Variants in MGAT4D observed in about 807,000 individuals in gnomAD.
MGAT4D encodes the protein MGAT4 family member D.
MGAT4D carries 34 observed loss-of-function variants against 15.9 expected under a neutral mutation model. The observed-to-expected ratio is 2.14, with a 90% CI of 1.62 to 2.84. MGAT4D has a LOEUF of 2.84. MGAT4D is among the 30% of genes most tolerant of loss of function. The pLI, the probability that MGAT4D is intolerant of heterozygous loss-of-function variation, is 0.00. For missense variants in MGAT4D, 327 were observed against 140.2 expected, an observed-to-expected ratio of 2.33 and a Z score of -6.73; for synonymous variants, 112 against 48.2, an observed-to-expected ratio of 2.33 and a Z score of -5.49.
intron 10 of MGAT4D, among the ~76,000 whole-genome samples, chr4:140,443,968 T>C (rs1284267444): frequency 6.6e-6 from 1 of 152,146 alleles, no homozygotes; most frequent in Non-Finnish European, 1.5e-5. Flanking sequence ...TTTGAATTTC[T>C]TGTTAGTCAA....
intron 1 of MGAT4D, among the ~76,000 whole-genome samples, chr4:140,493,287 CTTTTTTTTTT>C (rs551838799): frequency 6.0e-4 from 68 of 112,478 alleles, no homozygotes; most frequent in African/African-American, 2.0e-3. Flanking sequence ...TGTTCCTTTA[CTTTTTTTTTT>C]TTTTTTTTTT....
intron 10 of MGAT4D, among the ~76,000 whole-genome samples, chr4:140,446,291 C>T (rs1005282431): frequency 6.6e-6 from 1 of 152,128 alleles, no homozygotes; most frequent in Non-Finnish European, 1.5e-5. Context: ...GTGAATCTGT[C>T]TGGTCCTGGG....
In MGAT4D at chr4:140,482,440, T is replaced by C. The variant is rs1022877553; in HGVS notation, c.140A>G (p.Glu47Gly). 1.6e-6 allele frequency: 1 copy of C among 640,500 alleles called. No individual in the cohort carries two copies. The highest frequency in any genetic ancestry group is 2.8e-6 in the Non-Finnish European group (1 of 362,442). The allele number at this position is 640,500 out of a possible 1,614,324, so 39.7% of individuals were successfully genotyped here. Residue 47 changes from glutamate (E) to glycine (G), a missense_variant, in exon 2 of 11, where the codon GAA becomes GGA. Glu to Gly is a moderately conservative substitution (Grantham distance 98). Transcript: ENST00000511113. ...NCRNHILEFK[E>G]NMLHLRNKTE... ...TTTGTTTCTTAAGTGTAGCATATTTTCTTTAAACTCCAAAATATGGTTTCT... is the reference window on the plus strand; with the variant it reads ...TTTGTTTCTTAAGTGTAGCATATTTCCTTTAAACTCCAAAATATGGTTTCT...
At chr4:140,494,368 G>A (rs781388736) in intron 1 of MGAT4D, among the ~76,000 whole-genome samples, 18 of 152,112 alleles carry the variant, frequency 1.2e-4, no homozygotes, top group Non-Finnish European at 1.9e-4. Flanking sequence ...ACTATTGCAC[G>A]CTCCTCTTTG....
At chr4:140,463,926 G>T (rs1329592234) in intron 6 of MGAT4D, among the ~76,000 whole-genome samples, 1 of 152,198 alleles carries the variant, frequency 6.6e-6, no homozygotes, top group Non-Finnish European at 1.5e-5. Context: ...GCTAGGTTAG[G>T]CTAGGAGTAG....
At chr4:140,446,143 T>C (rs1388738887) in intron 10 of MGAT4D, among the ~76,000 whole-genome samples, 2 of 152,126 alleles carry the variant, frequency 1.3e-5, no homozygotes, top group South Asian at 4.1e-4. Context: ...TGTTGTTGTG[T>C]CTCTGCCAGG....
At chr4:140,456,880 A>G in intron 8 of MGAT4D, 161 bp from the exon 9 acceptor site, 1 of 426,040 alleles carries the variant, frequency 2.3e-6, no homozygotes, top group South Asian at 4.1e-5. Flanking sequence ...ATTAAACACT[A>G]TATCTGCTTA....
rs575397094 is a variant in MGAT4D at position 140,474,808 on chromosome 4, C to T, written c.525+5G>A. 16 of 662,718 alleles carry T rather than the reference C, an allele frequency of 2.4e-5. No homozygotes were observed. In the East Asian group the frequency reaches 3.1e-4, roughly 13 times the overall value. The allele number at this position is 662,718 out of a possible 1,614,324, so 41.1% of individuals were successfully genotyped here. On this transcript the variant is annotated splice_donor_5th_base_variant and intron_variant, in intron 4 of 10. Coordinates refer to ENST00000511113, the MANE Select transcript of MGAT4D (RefSeq NM_001277353.2). ...TAAGGAGAGCTCCTTATTTTGTATA[C>T]GTACATCTGCAACCAAGACAATCAC...
chr4:140,448,047 G>A (rs1730244880), intron 10 of MGAT4D, among the ~76,000 whole-genome samples: 1 of 152,132 alleles, frequency 6.6e-6, no homozygotes, highest in African/African-American at 2.4e-5. Context: ...ATCTCTTCTG[G>A]CTTGCAGGGT....
intron 7 of MGAT4D, 109 bp downstream of exon 7, chr4:140,461,813 ATAGGAAG>A: frequency 2.6e-6 from 1 of 386,944 alleles, no homozygotes; most frequent in Non-Finnish European, 4.4e-6. Flanking sequence ...AGAAGAAATT[ATAGGAAG>A]GAGGGAGAAA....
chr4:140,477,900 G>A (rs1242161141), intron 3 of MGAT4D, among the ~76,000 whole-genome samples: 1 of 152,094 alleles, frequency 6.6e-6, no homozygotes, highest in African/African-American at 2.4e-5. Context: ...ATGATGAGGG[G>A]CTCAATAAAA....
At chr4:140,498,095 G>A in intron 1 of MGAT4D, 34 bp downstream of exon 1, 4 of 694,678 alleles carry the variant, frequency 5.8e-6, no homozygotes, top group Middle Eastern at 2.3e-4. Flanking sequence ...CCCCCGCGGC[G>A]GGAAAGGAGG....
At chr4:140,445,582 C>T (rs982128090) in intron 10 of MGAT4D, among the ~76,000 whole-genome samples, 12 of 152,102 alleles carry the variant, frequency 7.9e-5, no homozygotes, top group Non-Finnish European at 5.9e-5. Flanking sequence ...CTTTTGGAAT[C>T]TTCATCATAT....
intron 3 of MGAT4D, among the ~76,000 whole-genome samples, chr4:140,476,649 A>G (rs1732353057): frequency 6.6e-6 from 1 of 152,028 alleles, no homozygotes; most frequent in Non-Finnish European, 1.5e-5. Flanking sequence ...CTTTTTTTCA[A>G]CTACCCACAC....
chr4:140,485,596 A>G (rs1452498938), intron 1 of MGAT4D, among the ~76,000 whole-genome samples: 4 of 151,320 alleles, frequency 2.6e-5, no homozygotes, highest in African/African-American at 7.3e-5. Flanking sequence ...AAAATTAAAA[A>G]TAGAACTGCA....
At chr4:140,474,988 A>G (rs1195803298) in intron 3 of MGAT4D, 42 bp from the exon 4 acceptor site, 3 of 544,738 alleles carry the variant, frequency 5.5e-6, no homozygotes, top group Non-Finnish European at 6.5e-6. Flanking sequence ...CATACCACAG[A>G]GAAAAACATA....
chr4:140,471,266 C>T (rs1731935563), intron 5 of MGAT4D, among the ~76,000 whole-genome samples: 1 of 149,372 alleles, frequency 6.7e-6, no homozygotes, highest in Non-Finnish European at 1.5e-5. Flanking sequence ...TTCCTTCCTT[C>T]CTTCCTTCCT....
intron 1 of MGAT4D, among the ~76,000 whole-genome samples, chr4:140,483,424 T>A (rs1732875194): frequency 6.6e-6 from 1 of 152,142 alleles, no homozygotes; most frequent in Non-Finnish European, 1.5e-5. Context: ...AGAATATTGT[T>A]AAAATGTCTA....
chr4:140,492,559 TGGA>T (rs1733571125), intron 1 of MGAT4D, among the ~76,000 whole-genome samples: 1 of 149,826 alleles, frequency 6.7e-6, no homozygotes, highest in Non-Finnish European at 1.5e-5. Flanking sequence ...ACCTGGGAGG[TGGA>T]GATTACAGTG....
Sources: allele counts gnomAD v4.1 joint callset (sites outside exome capture counted in the v4.1 genomes callset), GRCh38; gene constraint gnomAD v4.1.1; transcripts MANE v1.5; gene names NCBI Gene and HGNC (gene_info 2026-07-23, HGNC 2026-07-21).